KCTD16: variants seen among roughly 807,000 people sequenced by gnomAD.
The protein encoded by KCTD16 is potassium channel tetramerization domain containing 16, also known as BTB/POZ domain-containing protein KCTD16.
Under a neutral mutation model 33.2 loss-of-function variants are expected in KCTD16, and 13 were observed. The ratio of observed to expected loss-of-function variants is 0.39; its 90% CI spans 0.25 to 0.62. KCTD16 has a LOEUF of 0.62. KCTD16 is among the 20% of genes least tolerant of loss of function. The pLI, the probability that KCTD16 is intolerant of heterozygous loss-of-function variation, is 0.50. For synonymous variants in KCTD16, 197 were observed against 195.3 expected, an observed-to-expected ratio of 1.01 and a Z score of -0.07; for missense variants, 441 against 525.1, an observed-to-expected ratio of 0.84 and a Z score of 1.57.
At chr5:144,348,390 G>A (rs1278162063) in intron 3 of KCTD16, among the ~76,000 whole-genome samples, 3 of 152,092 alleles carry the variant, frequency 2.0e-5, no homozygotes, top group African/African-American at 7.2e-5. Context: ...TGAGGCCTAG[G>A]GAAATGCAGT....
intron 3 of KCTD16, among the ~76,000 whole-genome samples, chr5:144,321,442 C>T (rs1197816171): frequency 6.6e-6 from 1 of 152,132 alleles, no homozygotes; most frequent in African/African-American, 2.4e-5. Flanking sequence ...ACTTCAATCC[C>T]TTCGTAGTAC....
chr5:144,354,337 G>A lies in KCTD16; in HGVS notation c.833-119323G>A, dbSNP rs138604265. Among the ~76,000 whole-genome samples, 4 of 152,130 alleles carry A rather than the reference G, an allele frequency of 2.6e-5. No homozygotes were observed. In the East Asian group the frequency reaches 7.7e-4, roughly 29 times the overall value. On this transcript the variant is annotated intron_variant, in intron 3 of 3. Transcript: ENST00000512467. ...TAATATTGTTCAATAGGTATTTTAAGCTTTATTGCCATGGACTCCTTTGAG... is the reference window on the plus strand; with the variant it reads ...TAATATTGTTCAATAGGTATTTTAAACTTTATTGCCATGGACTCCTTTGAG...
chr5:144,176,776 C>T (rs919851163), intron 2 of KCTD16, among the ~76,000 whole-genome samples: 1 of 152,186 alleles, frequency 6.6e-6, no homozygotes, highest in Non-Finnish European at 1.5e-5. Context: ...TTAAAAATTA[C>T]TGCAAGCGTG....
At chr5:144,265,527 C>A (rs951915725) in intron 3 of KCTD16, among the ~76,000 whole-genome samples, 9 of 152,172 alleles carry the variant, frequency 5.9e-5, no homozygotes, top group African/African-American at 2.2e-4. Flanking sequence ...CCTGCCCATG[C>A]CTCTGGCTTT....
chr5:144,281,156 T>C (rs374756525), intron 3 of KCTD16, among the ~76,000 whole-genome samples: 4 of 152,274 alleles, frequency 2.6e-5, no homozygotes, highest in Admixed American at 2.0e-4. Flanking sequence ...TACTCCAGCC[T>C]AGGCGACAGA....
chr5:144,406,804 C>T (rs1752818251), intron 3 of KCTD16, among the ~76,000 whole-genome samples: 1 of 152,162 alleles, frequency 6.6e-6, no homozygotes, highest in African/African-American at 2.4e-5. Flanking sequence ...CGGTGATATG[C>T]CAATCTATGC....
intron 3 of KCTD16, among the ~76,000 whole-genome samples, chr5:144,462,510 A>G (rs950906487): frequency 6.6e-6 from 1 of 151,550 alleles, no homozygotes; most frequent in Admixed American, 6.6e-5. Context: ...AAGAAGGGGA[A>G]AAAGTCCAGC....
At chr5:144,382,290 T>A (rs1752233490) in intron 3 of KCTD16, among the ~76,000 whole-genome samples, 1 of 152,148 alleles carries the variant, frequency 6.6e-6, no homozygotes, top group Non-Finnish European at 1.5e-5. Flanking sequence ...CTTTAGTCAC[T>A]TCCTGGGTGA....
At chr5:144,279,177 T>C (rs1755532829) in intron 3 of KCTD16, among the ~76,000 whole-genome samples, 1 of 152,266 alleles carries the variant, frequency 6.6e-6, no homozygotes. Flanking sequence ...AGAGCTTTTC[T>C]TGTAGTTTAA....
intron 3 of KCTD16, among the ~76,000 whole-genome samples, chr5:144,239,451 A>G (rs1754342480): frequency 1.3e-5 from 2 of 152,146 alleles, no homozygotes; most frequent in Admixed American, 1.3e-4. Flanking sequence ...CAAAGAATCT[A>G]ATTTAGTTTG....
At chr5:144,438,017 G>C (rs1235596805) in intron 3 of KCTD16, among the ~76,000 whole-genome samples, 1 of 152,154 alleles carries the variant, frequency 6.6e-6, no homozygotes, top group East Asian at 1.9e-4. Flanking sequence ...CATTACAAAA[G>C]AGATGTAAAG....
chr5:144,222,014 C>T (rs1753772284), intron 3 of KCTD16, among the ~76,000 whole-genome samples: 1 of 152,154 alleles, frequency 6.6e-6, no homozygotes, highest in Non-Finnish European at 1.5e-5. Flanking sequence ...TCTCTAATGA[C>T]CAGTGATGAT....
intron 3 of KCTD16, among the ~76,000 whole-genome samples, chr5:144,283,711 T>C (rs1405915672): frequency 6.6e-6 from 1 of 152,164 alleles, no homozygotes; most frequent in Non-Finnish European, 1.5e-5. Flanking sequence ...AATTCCTTGA[T>C]GGAAATGAGA....
intron 3 of KCTD16, among the ~76,000 whole-genome samples, chr5:144,348,768 T>A (rs910182093): frequency 6.6e-6 from 1 of 152,238 alleles, no homozygotes; most frequent in Non-Finnish European, 1.5e-5. Flanking sequence ...GTATATTTTT[T>A]AATAGACTCC....
intron 2 of KCTD16, among the ~76,000 whole-genome samples, chr5:144,192,501 G>A (rs1179036543): frequency 6.6e-6 from 1 of 152,176 alleles, no homozygotes; most frequent in Non-Finnish European, 1.5e-5. Context: ...GCGAAGGATT[G>A]TAACAAAATC....
intron 2 of KCTD16, among the ~76,000 whole-genome samples, chr5:144,184,511 C>T (rs1752687089): frequency 6.6e-6 from 1 of 152,224 alleles, no homozygotes; most frequent in African/African-American, 2.4e-5. Context: ...GATTTCAATT[C>T]TTTTGGATAT....
chr5:144,391,078 C>G (rs918456121), intron 3 of KCTD16, among the ~76,000 whole-genome samples: 1 of 152,112 alleles, frequency 6.6e-6, no homozygotes, highest in African/African-American at 2.4e-5. Context: ...CTCAGACTTA[C>G]GTTGTGCCCC....
chr5:144,310,594 A>ATT (rs1045139716), intron 3 of KCTD16, among the ~76,000 whole-genome samples: 4 of 150,858 alleles, frequency 2.7e-5, no homozygotes. Flanking sequence ...ATTTTTTTTG[A>ATT]TATATATATA....
intron 2 of KCTD16, among the ~76,000 whole-genome samples, chr5:144,195,395 G>A (rs1034975924): frequency 1.6e-4 from 24 of 152,308 alleles, no homozygotes; most frequent in African/African-American, 5.1e-4. Context: ...GGGCATCTGA[G>A]GTTGTTGCAG....
Sources: gnomAD v4.1 joint callset for allele counts (sites outside exome capture counted in the v4.1 genomes callset) on GRCh38, gnomAD v4.1.1 for gene constraint, MANE v1.5 for transcripts, NCBI Gene and HGNC (gene_info 2026-07-23, HGNC 2026-07-21) for gene names.